The following CDK13 variants were observed in gnomAD, a reference collection of about 807,000 sequenced individuals.
CDK13 encodes the protein cyclin-dependent kinase 13.
Under a neutral mutation model 137.6 loss-of-function variants are expected in CDK13, and 40 were observed. That is an observed-to-expected ratio of 0.29 (90% confidence interval 0.23 to 0.38). The LOEUF is 0.38. CDK13 is among the 10% of genes least tolerant of loss of function. The pLI, the probability that CDK13 is intolerant of heterozygous loss-of-function variation, is 1.00. For missense variants in CDK13, 1,704 were observed against 1,951.8 expected (o/e 0.87, Z 2.39); for synonymous variants, 869 against 760.1 (o/e 1.14, Z -2.36).
At chr7:40,084,936 T>G (rs934468560) in intron 11 of CDK13, among the ~76,000 whole-genome samples, 3 of 152,208 alleles carry the variant, frequency 2.0e-5, no homozygotes, top group African/African-American at 7.2e-5. Context: ...AATAAAAGTT[T>G]GGTTATCTGG....
intron 1 of CDK13, among the ~76,000 whole-genome samples, chr7:39,965,905 G>C (rs1376531781): frequency 1.3e-5 from 2 of 152,128 alleles, no homozygotes; most frequent in Non-Finnish European, 2.9e-5. Flanking sequence ...ATGAAATTCT[G>C]GGTTGAAAAT....
chr7:40,021,742 A>G (rs1314244692), intron 5 of CDK13, among the ~76,000 whole-genome samples: 1 of 151,806 alleles, frequency 6.6e-6, no homozygotes, highest in African/African-American at 2.4e-5. Flanking sequence ...TAACAAATCT[A>G]TGAAGGATAG....
intron 1 of CDK13, among the ~76,000 whole-genome samples, chr7:39,979,939 T>C (rs944426703): frequency 6.6e-6 from 1 of 152,142 alleles, no homozygotes; most frequent in Non-Finnish European, 1.5e-5. Context: ...CTGTGGAAGC[T>C]GGAAAAGGCA....
rs1784455034 is a variant in CDK13, at chr7:39,991,514, T to C, written c.1871+3256T>C. ...GTGTGTGTGTGTGTGTGTGTGTGTGTGTGTGTGTGTTTTGGATGGCCTCTT... is the reference window on the plus strand; with the variant it reads ...GTGTGTGTGTGTGTGTGTGTGTGTGCGTGTGTGTGTTTTGGATGGCCTCTT... On this transcript the variant is annotated intron_variant, in intron 2 of 13. Coordinates refer to ENST00000181839, the MANE Select transcript of CDK13 (RefSeq NM_003718.5). 2.0e-5 allele frequency among the ~76,000 whole-genome samples: 3 copies of C among 151,914 alleles called. 1 individual carries two copies. The South Asian group carries it at 6.2e-4, about 32-fold the overall frequency.
intron 4 of CDK13, among the ~76,000 whole-genome samples, chr7:40,000,126 A>G (rs995910370): frequency 8.4e-6 from 1 of 119,440 alleles, no homozygotes; most frequent in Non-Finnish European, 2.1e-5. Flanking sequence ...CTATAATCCT[A>G]GCACTTTGGG....
chr7:40,064,268 G>A lies in CDK13; in HGVS notation c.2780+1168G>A, dbSNP rs933292786. Among the ~76,000 whole-genome samples the A allele has an allele frequency of 6.1e-5, 8 of 130,582 alleles. No individual in the cohort carries two copies. The East Asian group carries it at 1.8e-3, about 29-fold the overall frequency. 85.7% of individuals were successfully genotyped at this position (130,582 alleles called of 152,430 possible). On this transcript the variant is annotated intron_variant, in intron 9 of 13. Coordinates refer to ENST00000181839, the MANE Select transcript of CDK13 (RefSeq NM_003718.5). ...CACGGCACTCCAGCCTGGGCAACAAGAGCGAAATTATGTCTCAAAAAAAAA... is the reference window on the plus strand; with the variant it reads ...CACGGCACTCCAGCCTGGGCAACAAAAGCGAAATTATGTCTCAAAAAAAAA...
chr7:40,099,246 T>C lies in CDK13; in HGVS notation c.*4266T>C, dbSNP rs1787098272. 1 of 152,092 alleles carries C rather than the reference T, an allele frequency of 6.6e-6. No individual in the cohort carries two copies. The highest frequency in any genetic ancestry group is 6.5e-5 in the Admixed American group (1 of 15,276). The allele number at this position is 152,092 out of a possible 1,614,324, so 9.4% of individuals were successfully genotyped here. On this transcript the variant is annotated 3_prime_UTR_variant, in exon 14 of 14. Transcript: ENST00000181839. ...GGGATCCATTTGAAGACAGGGAAAA[T>C]AGAAAATTTTTATTGTAAAGGGAAG...
At chr7:40,022,925 CAA>C (rs1349053641) in intron 5 of CDK13, among the ~76,000 whole-genome samples, 2 of 150,242 alleles carry the variant, frequency 1.3e-5, no homozygotes, top group African/African-American at 4.9e-5. Flanking sequence ...GAAAACTTTG[CAA>C]ATAGTCTGAT....
intron 2 of CDK13, among the ~76,000 whole-genome samples, chr7:39,994,304 A>T (rs1225322316): frequency 6.6e-6 from 1 of 152,120 alleles, no homozygotes; most frequent in Admixed American, 6.5e-5. Context: ...TTATTGTGTA[A>T]AGAAGTGTTC....
At chr7:40,031,791 A>T (rs1785385026) in intron 5 of CDK13, among the ~76,000 whole-genome samples, 1 of 148,744 alleles carries the variant, frequency 6.7e-6, no homozygotes. Flanking sequence ...GACTGCAGGC[A>T]CTCACCACCA....
At chr7:39,996,966 A>AG (rs1784574117) in intron 2 of CDK13, among the ~76,000 whole-genome samples, 7 of 148,518 alleles carry the variant, frequency 4.7e-5, no homozygotes, top group Admixed American at 2.7e-4. Flanking sequence ...CATCTCAAAA[A>AG]AAAAAAAAAA....
At chr7:40,070,349 CAGTAAGCGGAGATTGT>C (rs1342488566) in intron 9 of CDK13, 3 of 138,682 alleles carry the variant, frequency 2.2e-5, no homozygotes, top group Non-Finnish European at 4.5e-5. Context: ...GTGGAGGTTG[CAGTAAGCGGAGATTGT>C]GCCACTGCAC....
chr7:40,055,848 C>CT (rs1786008818), intron 7 of CDK13, among the ~76,000 whole-genome samples: 1 of 152,172 alleles, frequency 6.6e-6, no homozygotes, highest in South Asian at 2.1e-4. Flanking sequence ...TCTCAAAGTG[C>CT]TGGGATTACA....
At chr7:40,046,366 A>G (rs1785740661) in intron 6 of CDK13, among the ~76,000 whole-genome samples, 1 of 152,220 alleles carries the variant, frequency 6.6e-6, no homozygotes, top group South Asian at 2.1e-4. Context: ...TAATCAGGCC[A>G]GCCACAGTGG....
At chr7:40,004,952 G>A (rs563531653) in intron 5 of CDK13, among the ~76,000 whole-genome samples, 43 of 152,212 alleles carry the variant, frequency 2.8e-4, no homozygotes, top group African/African-American at 9.6e-4. Context: ...TGGATCACCC[G>A]ACTGAGGTCA....
intron 12 of CDK13, among the ~76,000 whole-genome samples, chr7:40,091,579 C>T (rs2150546552): frequency 6.6e-6 from 1 of 152,104 alleles, no homozygotes. Flanking sequence ...TCATTTTCTT[C>T]TCCGTCATCA....
intron 9 of CDK13, among the ~76,000 whole-genome samples, chr7:40,068,707 G>GA (rs1158145409): frequency 0.048 from 2,249 of 46,966 alleles, 20 homozygotes; most frequent in East Asian, 0.076. Flanking sequence ...CTATGTCTCA[G>GA]AAAAAAAAAA....
intron 9 of CDK13, among the ~76,000 whole-genome samples, chr7:40,065,358 A>G (rs1786257628): frequency 6.6e-6 from 1 of 152,164 alleles, no homozygotes; most frequent in Non-Finnish European, 1.5e-5. Context: ...ATCAAACTTT[A>G]AGACAGGGTT....
intron 1 of CDK13, among the ~76,000 whole-genome samples, chr7:39,972,504 G>A (rs773386): frequency 0.45 from 68,357 of 151,986 alleles, 17,514 homozygotes; most frequent in East Asian, 0.63. Context: ...GGCAACCAAC[G>A]GTTGGTGATT....
Sources: gnomAD v4.1 joint callset for allele counts (sites outside exome capture counted in the v4.1 genomes callset) on GRCh38, gnomAD v4.1.1 for gene constraint, MANE v1.5 for transcripts, NCBI Gene and HGNC (gene_info 2026-07-23, HGNC 2026-07-21) for gene names.